Variants in ABHD2 observed in about 807,000 individuals in gnomAD.
ABHD2 encodes the protein monoacylglycerol lipase ABHD2.
A neutral mutation model predicts 48.1 loss-of-function variants in ABHD2; 20 were observed. The ratio of observed to expected loss-of-function variants is 0.42; its 90% CI spans 0.29 to 0.60. ABHD2 has a LOEUF of 0.60. ABHD2 is among the 20% of genes least tolerant of loss of function. The probability of loss-of-function intolerance (pLI) is 0.24; values close to 1 mark genes in which losing one functional copy is unlikely to be tolerated. For synonymous variants in ABHD2, 209 were observed against 214.2 expected, an observed-to-expected ratio of 0.98 and a Z score of 0.21; for missense variants, 405 against 550.9, an observed-to-expected ratio of 0.74 and a Z score of 2.65.
At chr15:89,084,137 C>A (rs1455786183), upstream of ABHD2, among the ~76,000 whole-genome samples, 1 of 151,386 alleles carries the variant, frequency 6.6e-6, no homozygotes, top group African/African-American at 2.4e-5. The surrounding 1 kb of genome is among the most constrained non-coding windows in gnomAD (Gnocchi z 4.4). Flanking sequence ...TTAACTCGGT[C>A]CTCAAACCGT....
chr15:89,052,751 A>G, the ABHD2 span, among the ~76,000 whole-genome samples: 3 of 152,262 alleles, frequency 2.0e-5, no homozygotes, highest in East Asian at 3.9e-4. Context: ...CTGATCTCAG[A>G]CTTCAGCCTC....
Position 89,183,384 on chromosome 15 carries a change from A to AAAATAT in ABHD2, c.723-2039_723-2038insAATATA, listed in dbSNP as rs61602174. On this transcript the variant is annotated intron_variant, in intron 6 of 10. Coordinates refer to ENST00000352732, the MANE Select transcript of ABHD2 (RefSeq NM_152924.5). Reference sequence around the variant, plus strand: ...AGTCCTTTTCAAAAAAAAAAAAAAAAATATATATATATATATATATATATA... The same window carrying AAAATAT: ...AGTCCTTTTCAAAAAAAAAAAAAAAAAAATATATATATATATATATATATATATATA... The AAAATAT allele has an allele frequency of 9.8e-3, 451 of 46,194 alleles. 7 individuals carry two copies. Among genetic ancestry groups the AAAATAT allele is most frequent in the Non-Finnish European group, 0.014 (328 of 23,582 alleles). The allele number at this position is 46,194 out of a possible 1,614,324, so 2.9% of individuals were successfully genotyped here.
At chr15:89,115,313 A>AT (rs1173939592) in intron 2 of ABHD2, among the ~76,000 whole-genome samples, 1 of 149,462 alleles carries the variant, frequency 6.7e-6, no homozygotes, top group Non-Finnish European at 1.5e-5. Flanking sequence ...AAAATACTGG[A>AT]TTTTTGTTGC....
At chr15:89,077,357 T>C in the ABHD2 span, among the ~76,000 whole-genome samples, 19 of 152,264 alleles carry the variant, frequency 1.2e-4, no homozygotes, top group Non-Finnish European at 2.1e-4. Context: ...TGAATATGAA[T>C]GTTCTACAAT....
the ABHD2 span, among the ~76,000 whole-genome samples, chr15:89,049,593 G>T: frequency 6.6e-6 from 1 of 152,248 alleles, no homozygotes; most frequent in Non-Finnish European, 1.5e-5. Context: ...ATCTCCTCGT[G>T]CGCCGTTTTT....
At chr15:89,157,711 C>T (rs550985794) in intron 5 of ABHD2, among the ~76,000 whole-genome samples, 83 of 151,980 alleles carry the variant, frequency 5.5e-4, no homozygotes, top group African/African-American at 1.8e-3. Context: ...GGCGTGGTGG[C>T]GGGCACCTGT....
the ABHD2 span, among the ~76,000 whole-genome samples, chr15:89,055,913 G>T: frequency 0.18 from 26,913 of 152,046 alleles, 2,531 homozygotes; most frequent in Admixed American, 0.19. Flanking sequence ...ATCCAGGCTG[G>T]AGTGCAGTGG....
intron 6 of ABHD2, among the ~76,000 whole-genome samples, chr15:89,181,557 C>T (rs1408213877): frequency 3.9e-5 from 6 of 152,136 alleles, no homozygotes; most frequent in Admixed American, 3.3e-4. Flanking sequence ...GCCCATCCCA[C>T]TCTTACAGAA....
intron 7 of ABHD2, among the ~76,000 whole-genome samples, chr15:89,187,481 CGCAGGGCCAT>C (rs1433579873): frequency 6.6e-6 from 1 of 152,254 alleles, no homozygotes; most frequent in East Asian, 1.9e-4. Flanking sequence ...TCCTTCCTAC[CGCAGGGCCAT>C]GCCTCAACAA....
chr15:89,044,317 G>T, the ABHD2 span, among the ~76,000 whole-genome samples: 1 of 152,146 alleles, frequency 6.6e-6, no homozygotes, highest in African/African-American at 2.4e-5. Context: ...TGGACATCTG[G>T]GTAGGTTCCA....
In ABHD2 at chr15:89,201,756, AC is replaced by A; in HGVS notation, c.*6335del. ...TTTGAGGTCTATGGGCGGGTCGAGG[AC>A]CAGGATCTGCTCGTGCTTCGCCGTG... On this transcript the variant is annotated 3_prime_UTR_variant, in exon 11 of 11. Coordinates refer to ENST00000352732, the MANE Select transcript of ABHD2 (RefSeq NM_152924.5). 1 of 1,545,742 alleles carries A rather than the reference AC, an allele frequency of 6.5e-7. No homozygotes were observed. Among genetic ancestry groups the A allele is most frequent in the Non-Finnish European group, 8.9e-7 (1 of 1,118,850 alleles).
At chr15:89,131,725 C>T (rs373635747) in intron 3 of ABHD2, among the ~76,000 whole-genome samples, 3 of 152,182 alleles carry the variant, frequency 2.0e-5, no homozygotes, top group South Asian at 2.1e-4. Flanking sequence ...CTAATATTTC[C>T]ATAATTATAA....
At chr15:89,099,506 G>A (rs1328051542) in intron 1 of ABHD2, among the ~76,000 whole-genome samples, 3 of 152,182 alleles carry the variant, frequency 2.0e-5, no homozygotes, top group African/African-American at 4.8e-5. Context: ...CCAGCTACTC[G>A]GGAAGCTGAG....
In ABHD2 at chr15:89,129,379, A is replaced by G. The variant is rs116980685; in HGVS notation, c.194+12858A>G. Among the ~76,000 whole-genome samples the G allele has an allele frequency of 2.0e-3, 304 of 152,272 alleles. 2 individuals carry two copies. Among genetic ancestry groups the G allele is most frequent in the East Asian group, 0.015 (79 of 5,180 alleles). ...GGGTGTCAGAAACTCAGGAAGAATG[A>G]GGGCTGACCAAAGGCCATCTACCTT... On this transcript the variant is annotated intron_variant, in intron 3 of 10. Transcript: ENST00000352732.
At chr15:89,121,775 C>T (rs1183611589) in intron 3 of ABHD2, among the ~76,000 whole-genome samples, 1 of 152,140 alleles carries the variant, frequency 6.6e-6, no homozygotes, top group Admixed American at 6.5e-5. Context: ...TCCCAGATCC[C>T]CTCTTTTTTC....
intron 1 of ABHD2, among the ~76,000 whole-genome samples, chr15:89,108,625 G>A (rs201406380): frequency 3.3e-5 from 5 of 152,174 alleles, no homozygotes; most frequent in African/African-American, 9.7e-5. Context: ...CGTGCTTTCC[G>A]CACTGTAAGT....
At chr15:89,074,304 C>T in the ABHD2 span, among the ~76,000 whole-genome samples, 38 of 150,930 alleles carry the variant, frequency 2.5e-4, no homozygotes, top group East Asian at 5.7e-3. Flanking sequence ...TGAACCCGGG[C>T]GGTGGAGGTT....
chr15:89,163,715 G>T (rs755947732), intron 5 of ABHD2, among the ~76,000 whole-genome samples: 5 of 152,224 alleles, frequency 3.3e-5, no homozygotes, highest in Non-Finnish European at 5.9e-5. Context: ...CCCCACTTTG[G>T]TGGTAGTGGT....
chr15:89,093,173 C>CTTTTTTTTTTTTTT (rs71149272), intron 1 of ABHD2, among the ~76,000 whole-genome samples: 1 of 71,780 alleles, frequency 1.4e-5, no homozygotes, highest in Non-Finnish European at 2.8e-5. Context: ...TTTTTTCATT[C>CTTTTTTTTTTTTTT]TTTTTTTTTT....
Sources: gnomAD v4.1 joint callset for allele counts (sites outside exome capture counted in the v4.1 genomes callset) on GRCh38, gnomAD v4.1.1 for gene constraint, Gnocchi (gnomAD v3.1) non-coding constraint, MANE v1.5 for transcripts, NCBI Gene and HGNC (gene_info 2026-07-23, HGNC 2026-07-21) for gene names.